Variants in ARHGAP39 observed in about 807,000 individuals in gnomAD.
ARHGAP39 encodes rho GTPase-activating protein 39.
Under a neutral mutation model 106.9 loss-of-function variants are expected in ARHGAP39, and 44 were observed. The ratio of observed to expected loss-of-function variants is 0.41; its 90% CI spans 0.32 to 0.53. The LOEUF is 0.53. Ranked by LOEUF, ARHGAP39 falls within the 20% of genes least tolerant of loss-of-function variation. The pLI, the probability that ARHGAP39 is intolerant of heterozygous loss-of-function variation, is 0.21. For missense variants in ARHGAP39, 1,496 were observed against 1,577.3 expected (o/e 0.95, Z 0.87); for synonymous variants, 768 against 693.2 (o/e 1.11, Z -1.69).
At chr8:144,689,733 CCTGA>C (rs1398519612), upstream of ARHGAP39, among the ~76,000 whole-genome samples, 2 of 150,210 alleles carry the variant, frequency 1.3e-5, no homozygotes, top group Non-Finnish European at 1.5e-5. Context: ...AGCCACCACA[CCTGA>C]CTAATTTTTT....
Position 144,605,593 on chromosome 8 carries a change from C to T in ARHGAP39, c.22G>A (p.Glu8Lys), listed in dbSNP as rs559110879. 20 of 1,613,632 alleles carry T rather than the reference C, an allele frequency of 1.2e-5. No homozygotes were observed. The highest frequency in any genetic ancestry group is 4.5e-5 in the East Asian group (2 of 44,884). Residue 8 changes from glutamate (E) to lysine (K), a missense_variant, in exon 2 of 12, where the codon GAG becomes AAG. Glu to Lys is a moderately conservative substitution (Grantham distance 56). This residue lies in a region of ARHGAP39 where 96 missense variants were observed against 107.9 expected (regional missense o/e 0.89). Coordinates refer to ENST00000377307, the MANE Select transcript of ARHGAP39 (RefSeq NM_025251.3). The stretch of plus-strand genomic sequence containing the variant: ...AGGTCGACATTATGGCTCCTGCACT[C>T]GTAGTCCTGCGTCTGGGACATCGCT... Reference protein sequence around the residue: MSQTQDYECRSHNVDLPE... With the variant: MSQTQDYKCRSHNVDLPE...
chr8:144,600,265 GGT>G (rs1819806298), intron 2 of ARHGAP39, among the ~76,000 whole-genome samples: 1 of 146,130 alleles, frequency 6.8e-6, no homozygotes, highest in Non-Finnish European at 1.5e-5. Flanking sequence ...TGTGCGTGGG[GGT>G]GTCTGTGTGC....
chr8:144,567,179 T>C (rs1818426755), intron 3 of ARHGAP39, among the ~76,000 whole-genome samples: 1 of 152,212 alleles, frequency 6.6e-6, no homozygotes, highest in Non-Finnish European at 1.5e-5. Context: ...TATGATTATA[T>C]ATGAATATCA....
intron 3 of ARHGAP39, 149 bp from the exon 4 acceptor site, chr8:144,555,792 G>A (rs1817894971): frequency 4.2e-6 from 3 of 706,318 alleles, no homozygotes; most frequent in Non-Finnish European, 2.5e-6. Flanking sequence ...TTCATCTTCT[G>A]CCCTGAGTCC....
chr8:144,694,973 CAT>C, the ARHGAP39 span, among the ~76,000 whole-genome samples: 19 of 151,948 alleles, frequency 1.3e-4, 1 homozygote, highest in African/African-American at 2.7e-4. Flanking sequence ...ATTGTTCACA[CAT>C]GAGTTTTAAG....
rs558945143 is a variant in ARHGAP39, at chr8:144,568,205, A to C, written c.513-12562T>G. On this transcript the variant is annotated intron_variant, in intron 3 of 11. Coordinates refer to ENST00000377307, the MANE Select transcript of ARHGAP39 (RefSeq NM_025251.3). ...AAAAATTAGCTGGGTGTGGTGGCAC[A>C]CGCCTGTAGTCCCAGCTACTTGGGA... Among the ~76,000 whole-genome samples, 6 of 151,972 alleles carry C rather than the reference A, an allele frequency of 3.9e-5. No individual in the cohort carries two copies. The East Asian group carries it at 1.2e-3, about 30-fold the overall frequency.
rs537054841 is a variant in ARHGAP39, at chr8:144,533,507, G to A, written c.2689-182C>T. Among the ~76,000 whole-genome samples, 10 of 152,204 alleles carry A rather than the reference G, an allele frequency of 6.6e-5. No homozygotes were observed. In the South Asian group the frequency reaches 1.5e-3, roughly 22 times the overall value. The stretch of plus-strand genomic sequence containing the variant: ...GTCCATCCCTGGACCAGCCCTCCTC[G>A]CCCCCCAAACCCTAACTCCTCCTGG... On this transcript the variant is annotated intron_variant, in intron 8 of 11. Coordinates refer to ENST00000377307, the MANE Select transcript of ARHGAP39 (RefSeq NM_025251.3).
intron 1 of ARHGAP39, among the ~76,000 whole-genome samples, chr8:144,661,170 G>A (rs1054762154): frequency 6.6e-6 from 1 of 152,084 alleles, no homozygotes; most frequent in South Asian, 2.1e-4. Flanking sequence ...CACCCACTCC[G>A]GGACCACCAT....
chr8:144,547,567 C>T lies in ARHGAP39; in HGVS notation c.1519G>A (p.Ala507Thr), dbSNP rs1013670980. 4 of 1,471,782 alleles carry T rather than the reference C, an allele frequency of 2.7e-6. No individual in the cohort carries two copies. Among genetic ancestry groups the T allele is most frequent in the African/African-American group, 1.4e-5 (1 of 71,520 alleles). 91.2% of individuals were successfully genotyped at this position (1,471,782 alleles called of 1,614,324 possible). A position where few individuals can be genotyped will look rare whatever the true frequency, so the allele number is the denominator to read the frequency against. The stretch of plus-strand genomic sequence containing the variant: ...TCCCCGGGGCCCTCAGTGGGGGTGG[C>T]GCTGGTGGCTTGGCACAAAGAGGGC... ...RKPSLCQATS[A>T]TPTEGPGDLL... is the part of the protein sequence containing the mutation. Residue 507 changes from alanine (A) to threonine (T), a missense_variant, in exon 5 of 12, where the codon GCC becomes ACC. Physicochemically the swap from Ala to Thr is moderately conservative, Grantham distance 58. Transcript: ENST00000377307. This position sits in a 1 kb window ranked among gnomAD's most constrained non-coding sequence, Gnocchi z 5.2.
chr8:144,581,207 A>T lies in ARHGAP39; in HGVS notation c.151T>A (p.Cys51Ser). The T allele has an allele frequency of 6.4e-7, 1 of 1,556,554 alleles. No individual in the cohort carries two copies. The highest frequency in any genetic ancestry group is 1.2e-5 in the South Asian group (1 of 84,586). ...ACGCCGGCCGGCGGGTCCCACACGC[A>T]CTCACCGGTGACCAGGTTGGCGTAC... is the stretch of plus-strand genomic sequence containing the variant. ...RMYANLVTGE[C>S]VWDPPAGVRI... The change falls in exon 3 of 12, where the codon TGC becomes AGC. Residue 51 changes from cysteine (C) to serine (S), a missense_variant. Coordinates refer to ENST00000377307, the MANE Select transcript of ARHGAP39 (RefSeq NM_025251.3).
rs1817019995 is a variant in ARHGAP39 at position 144,537,743 on chromosome 8, C to A, written c.2592G>T (p.Lys864Asn). 6.2e-7 allele frequency: 1 copy of A among 1,613,988 alleles called. No individual in the cohort carries two copies. The highest frequency in any genetic ancestry group is 8.5e-7 in the Non-Finnish European group (1 of 1,179,982). The change falls in exon 7 of 12, where the codon AAG becomes AAT. Residue 864 changes from lysine to asparagine, a missense_variant. Transcript: ENST00000377307. Reference sequence around the variant, plus strand: ...TACCATCCGGCTCTTCAACATAAGGCTTGGGTTTCTTTCTCAATTTGGACT... The same window carrying A: ...TACCATCCGGCTCTTCAACATAAGGATTGGGTTTCTTTCTCAATTTGGACT... ...KKKSKLRKKP[K>N]PYVEEPDGVA...
chr8:144,599,907 AAC>A (rs1481073197), intron 2 of ARHGAP39, among the ~76,000 whole-genome samples: 1 of 152,178 alleles, frequency 6.6e-6, no homozygotes, highest in African/African-American at 2.4e-5. Context: ...CAAGTGAGTA[AAC>A]ACACTGGTGT....
chr8:144,573,371 C>A (rs1399906915), intron 3 of ARHGAP39, among the ~76,000 whole-genome samples: 1 of 151,796 alleles, frequency 6.6e-6, no homozygotes, highest in Non-Finnish European at 1.5e-5. Flanking sequence ...AAACCAAACA[C>A]CACATGTTCT....
At chr8:144,627,416 G>A (rs1820949802) in intron 1 of ARHGAP39, among the ~76,000 whole-genome samples, 1 of 152,122 alleles carries the variant, frequency 6.6e-6, no homozygotes, top group South Asian at 2.1e-4. Context: ...TCAGCTGGGT[G>A]TGGTGGTGGG....
chr8:144,686,185 C>G (rs187738959), upstream of ARHGAP39, among the ~76,000 whole-genome samples: 1 of 152,084 alleles, frequency 6.6e-6, no homozygotes, highest in Non-Finnish European at 1.5e-5. Context: ...TTGGGCTTCC[C>G]GAGTCTGAGA....
chr8:144,618,144 T>G (rs1369624360), intron 1 of ARHGAP39, among the ~76,000 whole-genome samples: 1 of 152,160 alleles, frequency 6.6e-6, no homozygotes, highest in Non-Finnish European at 1.5e-5. Context: ...CTGTAACATT[T>G]CTCAAAAAAT....
chr8:144,626,690 C>T (rs1233858052), intron 1 of ARHGAP39, among the ~76,000 whole-genome samples: 3 of 152,252 alleles, frequency 2.0e-5, no homozygotes, highest in African/African-American at 4.8e-5. Flanking sequence ...GTCCTGACCT[C>T]CCCACGTACA....
chr8:144,562,842 T>G (rs1400195575), intron 3 of ARHGAP39, among the ~76,000 whole-genome samples: 1 of 152,012 alleles, frequency 6.6e-6, no homozygotes, highest in Admixed American at 6.5e-5. Context: ...GTGGTTTCCA[T>G]CGGACTCACT....
At chr8:144,564,811 A>G (rs566605918) in intron 3 of ARHGAP39, among the ~76,000 whole-genome samples, 2 of 125,354 alleles carry the variant, frequency 1.6e-5, no homozygotes, top group African/African-American at 6.9e-5. Context: ...TGAGATCTCT[A>G]AAAAAAAAAA....
Sources: gnomAD v4.1 joint callset for allele counts (sites outside exome capture counted in the v4.1 genomes callset) on GRCh38, gnomAD v4.1.1 for gene constraint, gnomAD v4.1.1 regional missense constraint, Gnocchi (gnomAD v3.1) non-coding constraint, MANE v1.5 for transcripts, NCBI Gene and HGNC (gene_info 2026-07-23, HGNC 2026-07-21) for gene names.